Variants in RCL1 observed in about 807,000 individuals in gnomAD.
RCL1 encodes RNA terminal phosphate cyclase like 1, also known as RNA 3'-terminal phosphate cyclase-like protein.
Under a neutral mutation model 42.4 loss-of-function variants are expected in RCL1, and 24 were observed. The observed-to-expected ratio is 0.57, with a 90% CI of 0.41 to 0.80. The LOEUF is 0.80. RCL1 is among the 30% of genes least tolerant of loss of function. The pLI is 0.00. For synonymous variants in RCL1, 228 were observed against 177.3 expected (o/e 1.29, Z -2.27); for missense variants, 578 against 467.9 (o/e 1.24, Z -2.17).
intron 3 of RCL1, among the ~76,000 whole-genome samples, chr9:4,832,099 G>C (rs1423916439): frequency 6.6e-6 from 1 of 152,214 alleles, no homozygotes; most frequent in Non-Finnish European, 1.5e-5. Flanking sequence ...CAACTCGTTA[G>C]ATAACAGTAC....
chr9:4,852,420 T>C (rs1297145329), intron 8 of RCL1, among the ~76,000 whole-genome samples: 1 of 152,182 alleles, frequency 6.6e-6, no homozygotes, highest in Non-Finnish European at 1.5e-5. Context: ...AGATGCATCT[T>C]AATTAGCACT....
intron 2 of RCL1, among the ~76,000 whole-genome samples, chr9:4,824,579 A>G (rs1816695915): frequency 6.6e-6 from 1 of 152,252 alleles, no homozygotes; most frequent in East Asian, 1.9e-4. Flanking sequence ...TTGTGTCTAC[A>G]TTGTATGGAA....
intron 1 of RCL1, among the ~76,000 whole-genome samples, chr9:4,823,051 T>G (rs1203898943): frequency 6.6e-6 from 1 of 152,160 alleles, no homozygotes; most frequent in Admixed American, 6.5e-5. Context: ...AGGGATACTT[T>G]GCTGAAAGGC....
intron 1 of RCL1, among the ~76,000 whole-genome samples, chr9:4,808,431 C>G (rs1816056612): frequency 1.3e-5 from 2 of 152,060 alleles, no homozygotes; most frequent in South Asian, 4.1e-4. Flanking sequence ...TTTCAGCCTC[C>G]CAAGTAGCTG....
intron 2 of RCL1, among the ~76,000 whole-genome samples, chr9:4,824,835 T>C (rs1816707325): frequency 6.6e-6 from 1 of 152,228 alleles, no homozygotes; most frequent in South Asian, 2.1e-4. Context: ...TAATTTCCTT[T>C]AGCTTGTTTG....
At chr9:4,798,901 G>A (rs1842954490) in intron 1 of RCL1, among the ~76,000 whole-genome samples, 1 of 148,260 alleles carries the variant, frequency 6.7e-6, no homozygotes, top group Admixed American at 6.7e-5. Context: ...TTTTTTTAAA[G>A]GCAAATGCCA....
chr9:4,799,520 T>C (rs1842964777), intron 1 of RCL1, among the ~76,000 whole-genome samples: 1 of 152,206 alleles, frequency 6.6e-6, no homozygotes, highest in African/African-American at 2.4e-5. Context: ...TTCATGTCTG[T>C]TGCTCTTTTG....
chr9:4,797,473 G>A (rs1170475204), intron 1 of RCL1, among the ~76,000 whole-genome samples: 1 of 152,122 alleles, frequency 6.6e-6, no homozygotes, highest in Non-Finnish European at 1.5e-5. Context: ...TCAACCAGGG[G>A]CACTTTTGTT....
chr9:4,860,861 T>C lies in RCL1; in HGVS notation c.*586T>C, dbSNP rs980329434. 2.0e-5 allele frequency: 3 copies of C among 152,262 alleles called. No individual in the cohort carries two copies. Among genetic ancestry groups the C allele is most frequent in the African/African-American group, 7.2e-5 (3 of 41,448 alleles). The allele number at this position is 152,262 out of a possible 1,614,324, so 9.4% of individuals were successfully genotyped here. On this transcript the variant is annotated 3_prime_UTR_variant, in exon 9 of 9. Coordinates refer to ENST00000381750, the MANE Select transcript of RCL1 (RefSeq NM_005772.5). Reference sequence around the variant, plus strand: ...CGGACACGGATCTTCATCTGGTTCATTGTATTTATATGTGAGGGATGGATG... The same window carrying C: ...CGGACACGGATCTTCATCTGGTTCACTGTATTTATATGTGAGGGATGGATG...
At chr9:4,837,704 G>A (rs766004337) in intron 5 of RCL1, among the ~76,000 whole-genome samples, 2 of 152,168 alleles carry the variant, frequency 1.3e-5, no homozygotes, top group Non-Finnish European at 2.9e-5. Flanking sequence ...GAACATAAAA[G>A]TTAAAAGAGC....
intron 1 of RCL1, among the ~76,000 whole-genome samples, chr9:4,806,382 G>A (rs1296169580): frequency 6.6e-6 from 1 of 152,042 alleles, no homozygotes; most frequent in African/African-American, 2.4e-5. Context: ...AAAAAGTCAA[G>A]TTGAGAAAGT....
intron 1 of RCL1, among the ~76,000 whole-genome samples, chr9:4,797,910 T>A (rs1395807167): frequency 6.6e-6 from 1 of 152,232 alleles, no homozygotes; most frequent in East Asian, 1.9e-4. Flanking sequence ...GTGATTATAA[T>A]TGTCCAGCCA....
At chr9:4,824,378 T>A (rs1404225087) in intron 2 of RCL1, among the ~76,000 whole-genome samples, 17 of 135,536 alleles carry the variant, frequency 1.3e-4, no homozygotes, top group Non-Finnish European at 4.6e-5. Flanking sequence ...GCCAGCATTT[T>A]TTTTTTTTTT....
At chr9:4,799,109 T>C (rs1842959043) in intron 1 of RCL1, among the ~76,000 whole-genome samples, 1 of 113,202 alleles carries the variant, frequency 8.8e-6, no homozygotes. Context: ...CTCCTTCCTC[T>C]TTTTCTCCCT....
chr9:4,860,019 G>A lies in RCL1; in HGVS notation c.972-106G>A, dbSNP rs1818109234. On this transcript the variant is annotated intron_variant, in intron 8 of 8. Transcript: ENST00000381750. ...ATTCGATGAGAAGGTCTTAACTTCAGCCCTCTAGGTCTGGGAGATTAAAAC... is the reference window on the plus strand; with the variant it reads ...ATTCGATGAGAAGGTCTTAACTTCAACCCTCTAGGTCTGGGAGATTAAAAC... 3 of 706,432 alleles carry A rather than the reference G, an allele frequency of 4.2e-6. No homozygotes were observed. In the South Asian group the frequency reaches 7.6e-5, roughly 18 times the overall value. The allele number at this position is 706,432 out of a possible 1,614,324, so 43.8% of individuals were successfully genotyped here. A position where few individuals can be genotyped will look rare whatever the true frequency, so the allele number is the denominator to read the frequency against.
rs1587730427 is a variant in RCL1, at chr9:4,848,562, G to C, written c.868-885G>C. Among the ~76,000 whole-genome samples the C allele has an allele frequency of 5.9e-5, 9 of 152,314 alleles. No individual in the cohort carries two copies. The South Asian group carries it at 1.9e-3, about 32-fold the overall frequency. ...CAGACTGGATTTCTAATTTTGACCT[G>C]TGCAAAATATGTAGAAATTCAAGGT... On this transcript the variant is annotated intron_variant, in intron 7 of 8. Coordinates refer to ENST00000381750, the MANE Select transcript of RCL1 (RefSeq NM_005772.5).
At chr9:4,803,205 C>T (rs1010378443) in intron 1 of RCL1, among the ~76,000 whole-genome samples, 1 of 152,072 alleles carries the variant, frequency 6.6e-6, no homozygotes, top group Non-Finnish European at 1.5e-5. Flanking sequence ...AAATGTAGAT[C>T]AGAAGACAAA....
Position 4,847,839 on chromosome 9 carries a change from C to T in RCL1, c.868-1608C>T, listed in dbSNP as rs1013903031. Among the ~76,000 whole-genome samples, 12 of 152,190 alleles carry T rather than the reference C, an allele frequency of 7.9e-5. No homozygotes were observed. The East Asian group carries it at 2.3e-3, about 29-fold the overall frequency. On this transcript the variant is annotated intron_variant, in intron 7 of 8. Coordinates refer to ENST00000381750, the MANE Select transcript of RCL1 (RefSeq NM_005772.5). ...GGTCACCTGGCCATTCCTTGCTGGC[C>T]CTGGCATTTTATTTTTCCCCATCAT...
At chr9:4,799,809 T>C (rs182167252) in intron 1 of RCL1, among the ~76,000 whole-genome samples, 4 of 152,138 alleles carry the variant, frequency 2.6e-5, no homozygotes, top group African/African-American at 9.6e-5. Flanking sequence ...ATTTGCATGC[T>C]TGCTACCTTC....
Sources: allele counts gnomAD v4.1 joint callset (sites outside exome capture counted in the v4.1 genomes callset), GRCh38; gene constraint gnomAD v4.1.1; transcripts MANE v1.5; gene names NCBI Gene and HGNC (gene_info 2026-07-23, HGNC 2026-07-21).